ITIH5: variants seen among roughly 807,000 people sequenced by gnomAD.
ITIH5 encodes the protein inter-alpha-trypsin inhibitor heavy chain H5.
ITIH5 carries 65 observed loss-of-function variants against 77.5 expected under a neutral mutation model. The observed-to-expected ratio is 0.84, with a 90% CI of 0.69 to 1.03. The LOEUF is 1.03. ITIH5 is among the 50% of genes least tolerant of loss of function. The pLI is 0.00. For missense variants in ITIH5, 1,208 were observed against 1,213.1 expected, an observed-to-expected ratio of 1.00 and a Z score of 0.06; for synonymous variants, 525 against 494.3, an observed-to-expected ratio of 1.06 and a Z score of -0.82.
chr10:7,637,522 G>C lies in ITIH5; in HGVS notation c.402-44C>G, dbSNP rs763579102. On this transcript the variant is annotated intron_variant, in intron 4 of 13. Transcript: ENST00000397146. ...AGGACCCCAGGGAGGTTCGGAAGAG[G>C]ATAGAGCCAGGTTCCCTCAGTCCCC... 8 of 1,589,934 alleles carry C rather than the reference G, an allele frequency of 5.0e-6. No individual in the cohort carries two copies. In the East Asian group the frequency reaches 1.1e-4, roughly 22 times the overall value.
rs541289306 is a variant in ITIH5 at position 7,617,321 on chromosome 10, A to G, written c.653-39T>C. 4.0e-4 allele frequency: 517 copies of G among 1,293,524 alleles called. No homozygotes were observed. The East Asian group carries it at 8.8e-3, about 22-fold the overall frequency. The allele number at this position is 1,293,524 out of a possible 1,614,324, so 80.1% of individuals were successfully genotyped here. On this transcript the variant is annotated intron_variant, in intron 5 of 13. Coordinates refer to ENST00000397146, the MANE Select transcript of ITIH5 (RefSeq NM_030569.7). The stretch of plus-strand genomic sequence containing the variant: ...AGAAACATAATTAATAACTTAATAT[A>G]TATTTTTCCAAAAAGAAATAAAAAC...
intron 11 of ITIH5, chr10:7,571,978 C>T (rs1179410942): frequency 1.0e-6 from 1 of 1,003,982 alleles, no homozygotes; most frequent in Non-Finnish European, 1.2e-6. Flanking sequence ...GTGCACATAC[C>T]ACACCATTTC....
intron 7 of ITIH5, among the ~76,000 whole-genome samples, chr10:7,603,826 G>A (rs769294319): frequency 8.5e-5 from 13 of 152,150 alleles, no homozygotes; most frequent in South Asian, 6.2e-4. Context: ...CTTGTGATCC[G>A]CCCTCCTCGG....
intron 7 of ITIH5, among the ~76,000 whole-genome samples, chr10:7,603,773 C>G (rs533498148): frequency 6.6e-5 from 10 of 152,004 alleles, no homozygotes; most frequent in African/African-American, 2.4e-4. Context: ...TTAGTAGAGA[C>G]GAGGTTTCAC....
intron 13 of ITIH5, 74 bp from the exon 14 acceptor site, chr10:7,563,458 A>T: frequency 7.3e-7 from 1 of 1,365,784 alleles, no homozygotes. Context: ...CTTCAGAGCT[A>T]TCAGTGGCAG....
At chr10:7,591,086 G>A (rs766958532) in intron 7 of ITIH5, among the ~76,000 whole-genome samples, 6 of 152,118 alleles carry the variant, frequency 3.9e-5, no homozygotes, top group Non-Finnish European at 7.4e-5. Flanking sequence ...TAGTAGAGAC[G>A]GGGTTTCACC....
chr10:7,632,439 C>T (rs7086376), intron 5 of ITIH5, among the ~76,000 whole-genome samples: 60,254 of 151,848 alleles, frequency 0.4, 12,419 homozygotes, highest in African/African-American at 0.5. Context: ...TAAGTAAATG[C>T]TACAGTGTGT....
At position 7,572,113 on chromosome 10, in the gene ITIH5, CTG is replaced by C. The variant is rs1005205826; in HGVS notation, c.2032+1027_2032+1028del. The stretch of plus-strand genomic sequence containing the variant: ...AAGCTTTTCTGGCATTCCATAAAGC[CTG>C]TGTGTGTGTGTTGGAAGGAATTACA... On this transcript the variant is annotated intron_variant, in intron 11 of 13. Transcript: ENST00000397146. The C allele has an allele frequency of 3.8e-4, 408 of 1,060,982 alleles. 1 individual carries two copies. The highest frequency in any genetic ancestry group is 1.7e-3 in the South Asian group (60 of 35,214). 65.7% of individuals were successfully genotyped at this position (1,060,982 alleles called of 1,614,324 possible).
chr10:7,610,087 T>TGG (rs1257875994), intron 7 of ITIH5, among the ~76,000 whole-genome samples: 4 of 85,318 alleles, frequency 4.7e-5, no homozygotes, highest in African/African-American at 1.8e-4. Context: ...TTTTTTTTTT[T>TGG]GGCTCTTCTC....
At chr10:7,590,561 C>T (rs1407866686) in intron 7 of ITIH5, among the ~76,000 whole-genome samples, 6 of 152,204 alleles carry the variant, frequency 3.9e-5, no homozygotes, top group South Asian at 2.1e-4. Flanking sequence ...TAAAGTTTCT[C>T]TTTACTGTAA....
chr10:7,654,932 A>G (rs1377323870), intron 2 of ITIH5, among the ~76,000 whole-genome samples: 3 of 151,354 alleles, frequency 2.0e-5, no homozygotes, highest in Non-Finnish European at 2.9e-5. Context: ...GATCAGAAGA[A>G]GGAAAGGAGA....
At position 7,566,266 on chromosome 10, in the gene ITIH5, A is replaced by G. The variant is rs1403284239; in HGVS notation, c.2291T>C (p.Ile764Thr). 1.2e-6 allele frequency: 2 copies of G among 1,613,432 alleles called. No individual in the cohort carries two copies. The highest frequency in any genetic ancestry group is 1.7e-5 in the Admixed American group (1 of 59,890). Residue 764 changes from isoleucine to threonine, a missense_variant, in exon 13 of 14, where the codon ATC (isoleucine) becomes ACC (threonine). Physicochemically the swap from Ile to Thr is moderately conservative, Grantham distance 89. Transcript: ENST00000397146. ...SYLEITPSRV[I>T]LDGGDRLVLP... ...CACCAGTCTGTCCCCACCATCCAAG[A>G]TGACTCTGCTCGGTGTGATCTCGAG...
intron 1 of ITIH5, among the ~76,000 whole-genome samples, chr10:7,664,075 T>C (rs1268866813): frequency 1.3e-5 from 2 of 152,194 alleles, no homozygotes; most frequent in Non-Finnish European, 2.9e-5. Context: ...TAAATACTAA[T>C]TTCCCAAAAT....
intron 7 of ITIH5, among the ~76,000 whole-genome samples, chr10:7,589,753 C>T (rs767110510): frequency 2.0e-5 from 3 of 151,964 alleles, no homozygotes; most frequent in Admixed American, 1.3e-4. Flanking sequence ...CCAGGAAATA[C>T]GTCAAAGTAT....
At chr10:7,661,531 A>G (rs934600402) in intron 1 of ITIH5, among the ~76,000 whole-genome samples, 1 of 152,180 alleles carries the variant, frequency 6.6e-6, no homozygotes, top group Admixed American at 6.5e-5. Context: ...GAATATTCCC[A>G]TTTGGGTAAT....
chr10:7,651,290 C>T (rs1184333489), intron 2 of ITIH5, among the ~76,000 whole-genome samples: 2 of 152,090 alleles, frequency 1.3e-5, no homozygotes, highest in Non-Finnish European at 2.9e-5. Context: ...CCATATCAAA[C>T]TCATGCACCT....
At chr10:7,572,243 C>A (rs532049178) in intron 11 of ITIH5, 3 of 1,307,710 alleles carry the variant, frequency 2.3e-6, no homozygotes, top group South Asian at 2.5e-5. Context: ...AGAAAGGCAA[C>A]AATCAAGACT....
At chr10:7,606,798 G>A (rs866596981) in intron 7 of ITIH5, among the ~76,000 whole-genome samples, 6 of 152,116 alleles carry the variant, frequency 3.9e-5, no homozygotes, top group South Asian at 2.1e-4. Context: ...TACTTCATCC[G>A]GGTAAATCTT....
intron 4 of ITIH5, among the ~76,000 whole-genome samples, chr10:7,638,501 A>G (rs1369011619): frequency 6.6e-6 from 1 of 152,240 alleles, no homozygotes; most frequent in African/African-American, 2.4e-5. Context: ...ACTGGATGTT[A>G]TAAGACATTG....
Sources: gnomAD v4.1 joint callset for allele counts (sites outside exome capture counted in the v4.1 genomes callset) on GRCh38, gnomAD v4.1.1 for gene constraint, MANE v1.5 for transcripts, NCBI Gene and HGNC (gene_info 2026-07-23, HGNC 2026-07-21) for gene names.